SEMA6D: variants seen among roughly 807,000 people sequenced by gnomAD.
SEMA6D encodes semaphorin-6D.
Under a neutral mutation model 106.6 loss-of-function variants are expected in SEMA6D, and 35 were observed. The observed-to-expected ratio is 0.33, with a 90% CI of 0.25 to 0.44. The LOEUF (loss-of-function observed/expected upper bound fraction) is 0.44, where lower values mean the gene tolerates loss of function less well. Among genes scored for constraint, SEMA6D ranks in the 20% least tolerant of loss-of-function variants. SEMA6D has a pLI of 1.00. For synonymous variants in SEMA6D, 499 were observed against 487.7 expected, an observed-to-expected ratio of 1.02 and a Z score of -0.31; for missense variants, 1,185 against 1,345.9, an observed-to-expected ratio of 0.88 and a Z score of 1.87.
rs543771088 is a variant in SEMA6D, at chr15:47,488,077, A to C, written c.-87+17532A>C. ...ACATGCACCTGTTTCTAGCCTTTCT[A>C]TTCTGTCCTGTTCATCTGTTTGTAC... is the stretch of plus-strand genomic sequence containing the variant. On this transcript the variant is annotated intron_variant, in intron 3 of 19. Transcript: ENST00000558014. 1.6e-4 allele frequency among the ~76,000 whole-genome samples: 25 copies of C among 152,158 alleles called. No individual in the cohort carries two copies. The East Asian group carries it at 4.8e-3, about 29-fold the overall frequency.
intron 1 of SEMA6D, among the ~76,000 whole-genome samples, chr15:47,239,737 G>A (rs1595792369): frequency 6.6e-6 from 1 of 152,286 alleles, no homozygotes; most frequent in East Asian, 1.9e-4. Context: ...ACGTATGGTA[G>A]ATGGGTATAA....
chr15:47,482,426 C>T (rs1385534871), intron 3 of SEMA6D, among the ~76,000 whole-genome samples: 2 of 152,010 alleles, frequency 1.3e-5, no homozygotes, highest in African/African-American at 2.4e-5. Context: ...GGAGTGGCAC[C>T]GGAATCCTTC....
intron 1 of SEMA6D, among the ~76,000 whole-genome samples, chr15:47,725,475 C>A (rs2079684724): frequency 6.6e-6 from 1 of 152,128 alleles, no homozygotes; most frequent in African/African-American, 2.4e-5. Flanking sequence ...GGGGAATCAG[C>A]ACCCCTTTCA....
intron 3 of SEMA6D, among the ~76,000 whole-genome samples, chr15:47,488,933 T>G (rs2043380067): frequency 6.6e-6 from 1 of 152,068 alleles, no homozygotes; most frequent in South Asian, 2.1e-4. Context: ...AGCATGGAAG[T>G]GATATTCTGT....
chr15:47,306,616 G>A (rs923353079), intron 1 of SEMA6D, among the ~76,000 whole-genome samples: 2 of 152,184 alleles, frequency 1.3e-5, no homozygotes, highest in East Asian at 3.9e-4. Flanking sequence ...TCAGGAGGCT[G>A]AGGCAGGAGA....
At chr15:47,452,320 CAA>C (rs145049200) in intron 2 of SEMA6D, among the ~76,000 whole-genome samples, 8 of 114,682 alleles carry the variant, frequency 7.0e-5, no homozygotes, top group Non-Finnish European at 7.6e-5. Flanking sequence ...GTTTATCAAC[CAA>C]AAAAAAAAAA....
intron 3 of SEMA6D, among the ~76,000 whole-genome samples, chr15:47,562,077 A>G (rs1368505798): frequency 1.3e-5 from 2 of 152,062 alleles, no homozygotes; most frequent in Non-Finnish European, 2.9e-5. Context: ...AAGAGAGTTG[A>G]TATAGTCATA....
chr15:47,186,310 G>A (rs1414294505), intron 1 of SEMA6D, among the ~76,000 whole-genome samples: 1 of 152,154 alleles, frequency 6.6e-6, no homozygotes, highest in East Asian at 1.9e-4. Context: ...AAACCATGTA[G>A]TGGGAGTGTT....
chr15:47,744,861 T>C (rs2081035538), intron 1 of SEMA6D, among the ~76,000 whole-genome samples: 1 of 152,184 alleles, frequency 6.6e-6, no homozygotes, highest in Admixed American at 6.5e-5. Flanking sequence ...CCTTTTTCAA[T>C]GCAGGCACCA....
intron 1 of SEMA6D, among the ~76,000 whole-genome samples, chr15:47,268,889 G>T (rs1005558107): frequency 1.3e-5 from 2 of 151,976 alleles, no homozygotes; most frequent in Admixed American, 1.3e-4. Flanking sequence ...ATGAATTTTT[G>T]CTTTTTTTCC....
chr15:47,315,923 G>A (rs945342469), intron 1 of SEMA6D, among the ~76,000 whole-genome samples: 1 of 151,334 alleles, frequency 6.6e-6, no homozygotes, highest in Non-Finnish European at 1.5e-5. Flanking sequence ...ATCGACTTTT[G>A]TATATTAGCC....
intron 1 of SEMA6D, among the ~76,000 whole-genome samples, chr15:47,303,417 T>A (rs2036100837): frequency 6.6e-6 from 1 of 152,204 alleles, no homozygotes; most frequent in Non-Finnish European, 1.5e-5. Flanking sequence ...CATGGTTTAC[T>A]TCCTCACTTC....
chr15:47,724,243 A>T (rs1413365799), intron 1 of SEMA6D, among the ~76,000 whole-genome samples: 1 of 152,278 alleles, frequency 6.6e-6, no homozygotes, highest in Non-Finnish European at 1.5e-5. Flanking sequence ...TGTTCTTGCC[A>T]TTGCTGGCAC....
chr15:47,248,575 C>T (rs746371561), intron 1 of SEMA6D, among the ~76,000 whole-genome samples: 2 of 152,114 alleles, frequency 1.3e-5, no homozygotes, highest in Non-Finnish European at 2.9e-5. Context: ...CAGAGATATA[C>T]CTAATATATT....
chr15:47,692,654 G>A (rs2078614363), intron 4 of SEMA6D, among the ~76,000 whole-genome samples: 1 of 152,198 alleles, frequency 6.6e-6, no homozygotes, highest in African/African-American at 2.4e-5. Flanking sequence ...ATTCTTGGCT[G>A]GCTAAACTGG....
chr15:47,665,661 T>G (rs1158156978), intron 4 of SEMA6D, among the ~76,000 whole-genome samples: 2 of 152,016 alleles, frequency 1.3e-5, no homozygotes, highest in African/African-American at 4.8e-5. Flanking sequence ...AATACAAAAA[T>G]TAGCTGGGCA....
At chr15:47,507,842 C>A (rs377706559) in intron 3 of SEMA6D, among the ~76,000 whole-genome samples, 2 of 152,170 alleles carry the variant, frequency 1.3e-5, no homozygotes, top group Non-Finnish European at 2.9e-5. Flanking sequence ...CCATTTCGGG[C>A]CCCTGCATAT....
chr15:47,561,806 A>G (rs942049535), intron 3 of SEMA6D, among the ~76,000 whole-genome samples: 2 of 151,898 alleles, frequency 1.3e-5, no homozygotes, highest in Non-Finnish European at 2.9e-5. Flanking sequence ...GATTCAATAT[A>G]TAATGACAAA....
Position 47,385,065 on chromosome 15 carries a change from T to A in SEMA6D, c.-238-27328T>A, listed in dbSNP as rs78028605. ...CTGTAATTTTTTTTTTTTTTTTTTT[T>A]ACCATAGAACTCATAAGGCAGCGTT... On this transcript the variant is annotated intron_variant, in intron 1 of 19. Coordinates refer to the SEMA6D transcript ENST00000558014. Among the ~76,000 whole-genome samples the A allele has an allele frequency of 5.9e-3, 806 of 137,132 alleles. 19 individuals carry two copies. Among genetic ancestry groups the A allele is most frequent in the African/African-American group, 0.015 (538 of 36,208 alleles). 90.0% of individuals were successfully genotyped at this position (137,132 alleles called of 152,430 possible).
Sources: gnomAD v4.1 joint callset for allele counts (sites outside exome capture counted in the v4.1 genomes callset) on GRCh38, gnomAD v4.1.1 for gene constraint, MANE v1.5 for transcripts, NCBI Gene and HGNC (gene_info 2026-07-23, HGNC 2026-07-21) for gene names.